ITGA6: variants seen among roughly 807,000 people sequenced by gnomAD.
ITGA6 encodes the protein integrin subunit alpha 6.
ITGA6 carries 63 observed loss-of-function variants against 133.6 expected under a neutral mutation model. That is an observed-to-expected ratio of 0.47 (90% CI 0.38 to 0.58). ITGA6 has a LOEUF of 0.58. ITGA6 is among the 20% of genes least tolerant of loss of function. ITGA6 has a pLI of 0.00. For missense variants in ITGA6, 1,068 were observed against 1,309.4 expected (o/e 0.82, Z 2.85); for synonymous variants, 434 against 482.0 (o/e 0.90, Z 1.30).
chr2:172,463,383 C>A (rs1455816289), intron 1 of ITGA6, among the ~76,000 whole-genome samples: 1 of 152,168 alleles, frequency 6.6e-6, no homozygotes, highest in Admixed American at 6.5e-5. Context: ...TCTTACCCAG[C>A]CTTCACTCCA....
chr2:172,501,728 T>A, intron 24 of ITGA6, 44 bp from the exon 25 acceptor site: 11 of 1,600,810 alleles, frequency 6.9e-6, no homozygotes, highest in Non-Finnish European at 9.4e-6. Context: ...TTGGCTCTTA[T>A]ACACAAAACT....
At chr2:172,449,922 C>CAAAAAA (rs753594850) in intron 1 of ITGA6, among the ~76,000 whole-genome samples, 4 of 77,664 alleles carry the variant, frequency 5.2e-5, no homozygotes, top group African/African-American at 1.8e-4. Flanking sequence ...ACTTCCTCTC[C>CAAAAAA]AAAAAAAAAA....
At chr2:172,487,500 G>A in intron 15 of ITGA6, 47 bp downstream of exon 15, 2 of 1,610,766 alleles carry the variant, frequency 1.2e-6, no homozygotes, top group South Asian at 2.2e-5. Flanking sequence ...AATCAACACT[G>A]TGTGGCAAAT....
chr2:172,488,036 G>C lies in ITGA6; in HGVS notation c.2400G>C (p.Ser800=), dbSNP rs767830872. 1.2e-6 allele frequency: 2 copies of C among 1,613,772 alleles called. No individual in the cohort carries two copies. The highest frequency in any genetic ancestry group is 4.5e-5 in the East Asian group (2 of 44,860). The change falls in exon 18 of 26, where the codon TCG becomes TCC. Residue 800 remains serine (S), a splice_region_variant and synonymous_variant. Coordinates refer to ENST00000684293, the MANE Select transcript of ITGA6 (RefSeq NM_000210.4). ...TTATTGAACTGCTTTTATCGGTCTC[G>C]GGGTAAGTGTTTGTGTTTAGCATAA... ...KVVIELLLSV[S]GVAKPSQVYF...
At chr2:172,438,445 T>C (rs1187504149) in intron 1 of ITGA6, among the ~76,000 whole-genome samples, 1 of 151,860 alleles carries the variant, frequency 6.6e-6, no homozygotes, top group Non-Finnish European at 1.5e-5. Context: ...TCATTAGCCC[T>C]AAGTTACTCA....
At chr2:172,479,940 T>C (rs747530233) in intron 10 of ITGA6, 50 bp from the exon 11 acceptor site, 3 of 1,312,320 alleles carry the variant, frequency 2.3e-6, no homozygotes, top group Non-Finnish European at 3.3e-6. Context: ...TTGGGTTTTT[T>C]CCACTGCAAT....
intron 2 of ITGA6, chr2:172,465,975 G>A (rs1015986214): frequency 1.3e-5 from 6 of 447,326 alleles, no homozygotes; most frequent in Non-Finnish European, 2.1e-5. Context: ...GCAATGAAGA[G>A]AATGAATGAG....
chr2:172,462,197 C>A (rs1209398260), intron 1 of ITGA6, among the ~76,000 whole-genome samples: 1 of 152,162 alleles, frequency 6.6e-6, no homozygotes, highest in Non-Finnish European at 1.5e-5. Flanking sequence ...TCCCAGGAGA[C>A]CGGGCGCAAC....
intron 1 of ITGA6, among the ~76,000 whole-genome samples, chr2:172,432,538 C>T (rs1417575264): frequency 6.6e-6 from 1 of 152,230 alleles, no homozygotes; most frequent in Non-Finnish European, 1.5e-5. Flanking sequence ...AAATCCCTTT[C>T]TTTAACCCTT....
At chr2:172,484,711 G>GTTT (rs1266282771) in intron 11 of ITGA6, 71 bp from the exon 12 acceptor site, 1 of 1,237,310 alleles carries the variant, frequency 8.1e-7, no homozygotes, top group African/African-American at 1.5e-5. Context: ...AATCTTAAAA[G>GTTT]GAGTTCAACA....
At position 172,474,137 on chromosome 2, in the gene ITGA6, T is replaced by C. The variant is rs776504606; in HGVS notation, c.858T>C (p.Ser286=). 1 of 1,613,812 alleles carries C rather than the reference T, an allele frequency of 6.2e-7. No homozygotes were observed. The highest frequency in any genetic ancestry group is 1.3e-5 in the African/African-American group (1 of 74,904). Residue 286 remains serine, a synonymous_variant, in exon 6 of 26, where the codon AGT becomes AGC. Transcript: ENST00000684293. ...CTGGTGCTCCCAGAGCCAATCACAG[T>C]GGAGCCGTGGTTTTGCTGAAGAGAG... is the stretch of plus-strand genomic sequence containing the variant. The part of the protein sequence containing the change: ...FVSGAPRANH[S]GAVVLLKRDM...
chr2:172,459,269 C>T (rs1685333147), intron 1 of ITGA6, among the ~76,000 whole-genome samples: 1 of 152,106 alleles, frequency 6.6e-6, no homozygotes, highest in Non-Finnish European at 1.5e-5. Flanking sequence ...GCTGGGGCCT[C>T]AAGGTAGGCG....
chr2:172,471,300 T>C (rs1277710309), intron 5 of ITGA6, among the ~76,000 whole-genome samples, 195 bp downstream of exon 5: 2 of 152,194 alleles, frequency 1.3e-5, no homozygotes, highest in Non-Finnish European at 2.9e-5. Context: ...CCTTTCCTTC[T>C]GACTGGGGCT....
chr2:172,468,992 G>T, intron 3 of ITGA6, 133 bp from the exon 4 acceptor site: 1 of 940,994 alleles, frequency 1.1e-6, no homozygotes, highest in South Asian at 1.4e-5. Context: ...TCTGGGATCC[G>T]GTCCCAAGAT....
At chr2:172,430,550 TAGAAG>T (rs1200051248) in intron 1 of ITGA6, among the ~76,000 whole-genome samples, 1 of 152,238 alleles carries the variant, frequency 6.6e-6, no homozygotes, top group Admixed American at 6.5e-5. Context: ...AGCACGATCA[TAGAAG>T]ACCTATCATA....
At chr2:172,464,984 T>C (rs568389563) in intron 1 of ITGA6, among the ~76,000 whole-genome samples, 1 of 151,866 alleles carries the variant, frequency 6.6e-6, no homozygotes, top group East Asian at 1.9e-4. Context: ...AGGCTGCAAG[T>C]GAATAATTCA....
chr2:172,454,243 C>T (rs1685126517), intron 1 of ITGA6, among the ~76,000 whole-genome samples: 1 of 151,972 alleles, frequency 6.6e-6, no homozygotes, highest in Non-Finnish European at 1.5e-5. Flanking sequence ...GCCACCGTGC[C>T]CACCTGATTT....
At chr2:172,497,001 T>G (rs1425123248) in intron 23 of ITGA6, among the ~76,000 whole-genome samples, 1 of 152,222 alleles carries the variant, frequency 6.6e-6, no homozygotes, top group African/African-American at 2.4e-5. Context: ...TATACCTTTT[T>G]GTAGAAGATG....
At chr2:172,469,017 T>C (rs1685801340) in intron 3 of ITGA6, 108 bp from the exon 4 acceptor site, 2 of 1,205,906 alleles carry the variant, frequency 1.7e-6, no homozygotes, top group African/African-American at 3.0e-5. Flanking sequence ...ACATGCTTAA[T>C]CATCCTCTTT....
Sources: gnomAD v4.1 joint callset for allele counts (sites outside exome capture counted in the v4.1 genomes callset) on GRCh38, gnomAD v4.1.1 for gene constraint, MANE v1.5 for transcripts, NCBI Gene and HGNC (gene_info 2026-07-23, HGNC 2026-07-21) for gene names.